The following ALDH3B1 variants were observed in gnomAD, a reference collection of about 807,000 sequenced individuals.
The protein encoded by ALDH3B1 is aldehyde dehydrogenase family 3 member B1.
In ALDH3B1, 37 loss-of-function variants were observed where a neutral mutation model predicts 46.2. That is an observed-to-expected ratio of 0.80 (90% CI 0.62 to 1.05). The LOEUF is 1.05. ALDH3B1 is among the 50% of genes least tolerant of loss of function. ALDH3B1 has a pLI of 0.00. For synonymous variants in ALDH3B1, 283 were observed against 281.0 expected, an observed-to-expected ratio of 1.01 and a Z score of -0.07; for missense variants, 603 against 665.5, an observed-to-expected ratio of 0.91 and a Z score of 1.03.
At chr11:68,020,569 G>A (rs1363705272) in intron 6 of ALDH3B1, among the ~76,000 whole-genome samples, 1 of 152,178 alleles carries the variant, frequency 6.6e-6, no homozygotes, top group Non-Finnish European at 1.5e-5. Flanking sequence ...CAGAGGGAGC[G>A]AGAGGAAGAC....
At position 68,027,794 on chromosome 11, in the gene ALDH3B1, C is replaced by T; in HGVS notation, c.1262C>T (p.Thr421Ile). 1 of 1,560,202 alleles carries T rather than the reference C, an allele frequency of 6.4e-7. No homozygotes were observed. The highest frequency in any genetic ancestry group is 8.7e-7 in the Non-Finnish European group (1 of 1,150,974). The change falls in exon 10 of 10, where the codon ACC becomes ATC. Residue 421 changes from threonine to isoleucine, a missense_variant. Thr to Ile is a moderately conservative substitution (Grantham distance 89). Coordinates refer to ENST00000342456, the MANE Select transcript of ALDH3B1 (RefSeq NM_000694.4). ...GRYHGKFSFDTFSHHRACLLR... is the reference protein window; with the variant it reads ...GRYHGKFSFDIFSHHRACLLR... ...TACCATGGCAAGTTCTCCTTCGACACCTTCTCCCACCATCGCGCCTGCCTC... is the reference window on the plus strand; with the variant it reads ...TACCATGGCAAGTTCTCCTTCGACATCTTCTCCCACCATCGCGCCTGCCTC...
chr11:68,012,483 G>T (rs1218989353), intron 1 of ALDH3B1, among the ~76,000 whole-genome samples: 1 of 152,228 alleles, frequency 6.6e-6, no homozygotes, highest in Non-Finnish European at 1.5e-5. Flanking sequence ...TGGGCCAAAT[G>T]CACCTCAACC....
At chr11:68,027,692 G>A in intron 9 of ALDH3B1, 57 bp from the exon 10 acceptor site, 1 of 1,521,658 alleles carries the variant, frequency 6.6e-7, no homozygotes, top group Middle Eastern at 1.7e-4. Context: ...AGGCCCCACT[G>A]TCTGTGACTA....
intron 8 of ALDH3B1, chr11:68,024,099 TA>T (rs1372500332): frequency 4.6e-5 from 7 of 152,236 alleles, no homozygotes; most frequent in Non-Finnish European, 1.0e-4. Flanking sequence ...CACCTTGCAT[TA>T]ATAACCCTCT....
chr11:68,019,346 C>G (rs1275402310), intron 5 of ALDH3B1, 91 bp downstream of exon 5: 1 of 1,103,652 alleles, frequency 9.1e-7, no homozygotes, highest in Admixed American at 2.0e-5. Flanking sequence ...CAGTCAGACC[C>G]GAGTCCCCAC....
rs760984667 is a variant in ALDH3B1, at chr11:68,021,591, C to T, written c.669C>T (p.Cys223=). 5.0e-6 allele frequency: 8 copies of T among 1,614,092 alleles called. No homozygotes were observed. The highest frequency in any genetic ancestry group is 2.2e-5 in the East Asian group (1 of 44,880). The part of the protein sequence containing the change: ...GKNPCYVDDN[C]DPQTVANRVA... ...ACCCTTGCTACGTGGACGACAACTG[C>T]GACCCCCAGACCGTGGCCAACCGCG... Residue 223 remains cysteine (C), a synonymous_variant, in exon 7 of 10, where the codon TGC becomes TGT. Transcript: ENST00000342456.
chr11:68,009,235 A>G (rs1857184597), upstream of ALDH3B1, among the ~76,000 whole-genome samples: 1 of 152,182 alleles, frequency 6.6e-6, no homozygotes, highest in Non-Finnish European at 1.5e-5. Context: ...GGCTCTATGA[A>G]TGGGGCGGCC....
rs10557779 is a variant in ALDH3B1 at position 68,028,676 on chromosome 11, TAAAAA to T, written c.*753_*757del. The stretch of plus-strand genomic sequence containing the variant: ...TGGGTGACAGAAGGAGGCTCTGCCT[TAAAAA>T]AAAAAAAAAAAAAAACCTCCTGGGA... On this transcript the variant is annotated 3_prime_UTR_variant, in exon 10 of 10. Transcript: ENST00000342456. 2.3e-5 allele frequency: 3 copies of T among 128,988 alleles called. No homozygotes were observed. The highest frequency in any genetic ancestry group is 2.6e-4 in the South Asian group (1 of 3,900). The allele number at this position is 128,988 out of a possible 1,614,324, so 8.0% of individuals were successfully genotyped here. A position where few individuals can be genotyped will look rare whatever the true frequency, so the allele number is the denominator to read the frequency against.
At chr11:68,019,021 C>T (rs117885863) in intron 4 of ALDH3B1, 128 bp downstream of exon 4, 49,008 of 1,460,830 alleles carry the variant, frequency 0.034, 1,028 homozygotes, top group Admixed American at 0.041. Flanking sequence ...CCACCGTCCC[C>T]GGGCTGTGTG....
At chr11:68,016,492 G>A (rs12806003) in intron 2 of ALDH3B1, 7,508 of 152,576 alleles carry the variant, frequency 0.049, 249 homozygotes, top group Non-Finnish European at 0.077. Flanking sequence ...TCTAGACCCT[G>A]AAGGCTTGGG....
Position 68,021,868 on chromosome 11 carries a change from A to G in ALDH3B1, c.946A>G (p.Ile316Val). 1.3e-6 allele frequency: 2 copies of G among 1,599,658 alleles called. No individual in the cohort carries two copies. Among genetic ancestry groups the G allele is most frequent in the Admixed American group, 1.7e-5 (1 of 59,194 alleles). ...CCAGAGCGATGAGAGCGATCGCTAC[A>G]TCGGTGAGTCCTGCTGCCCCTACCA... ...GGQSDESDRY[I>V]APTVLVDVQE... Residue 316 changes from isoleucine to valine, a missense_variant, in exon 7 of 10, where the codon ATC becomes GTC. Coordinates refer to ENST00000342456, the MANE Select transcript of ALDH3B1 (RefSeq NM_000694.4).
rs1590783549 is a variant in ALDH3B1, at chr11:68,026,039, A to T, written c.1147A>T (p.Ser383Cys). The change falls in exon 9 of 10, where the codon AGC becomes TGC. Residue 383 changes from serine (S) to cysteine (C), a missense_variant. Transcript: ENST00000342456. The part of the protein sequence containing the change: ...VVKRVLTQTS[S>C]GGFCGNDGFM... Reference sequence around the variant, plus strand: ...CAAGCGGGTGCTGACCCAGACCAGCAGCGGGGGCTTCTGTGGGAACGACGG... The same window carrying T: ...CAAGCGGGTGCTGACCCAGACCAGCTGCGGGGGCTTCTGTGGGAACGACGG... 2.5e-6 allele frequency: 4 copies of T among 1,609,158 alleles called. No individual in the cohort carries two copies. The East Asian group carries it at 9.0e-5, about 36-fold the overall frequency.
chr11:68,026,754 G>A (rs947005478), intron 9 of ALDH3B1, among the ~76,000 whole-genome samples: 1 of 152,142 alleles, frequency 6.6e-6, no homozygotes, highest in Non-Finnish European at 1.5e-5. Flanking sequence ...AGGCAGTCCC[G>A]CCACCTGTCC....
chr11:68,021,642 C>T lies in ALDH3B1; in HGVS notation c.720C>T (p.Ala240=), dbSNP rs371833737. ...NRVAWFRYFN[A]GQTCVAPDYV... is the part of the protein sequence containing the mutation. Reference sequence around the variant, plus strand: ...TGGCCTGGTTCCGCTACTTCAACGCCGGCCAGACCTGCGTGGCCCCCGACT... The same window carrying T: ...TGGCCTGGTTCCGCTACTTCAACGCTGGCCAGACCTGCGTGGCCCCCGACT... Residue 240 remains alanine (A), a synonymous_variant, in exon 7 of 10, where the codon GCC becomes GCT. Coordinates refer to ENST00000342456, the MANE Select transcript of ALDH3B1 (RefSeq NM_000694.4). The T allele has an allele frequency of 5.5e-5, 89 of 1,614,060 alleles. No individual in the cohort carries two copies. The East Asian group carries it at 8.9e-4, about 16-fold the overall frequency.
chr11:68,009,511 G>A (rs1857189426), upstream of ALDH3B1, among the ~76,000 whole-genome samples: 1 of 152,226 alleles, frequency 6.6e-6, no homozygotes, highest in Non-Finnish European at 1.5e-5. Flanking sequence ...CCCTGAAAAA[G>A]ACATTCTTGG....
At chr11:68,022,275 C>T (rs562876115) in intron 7 of ALDH3B1, among the ~76,000 whole-genome samples, 5 of 152,206 alleles carry the variant, frequency 3.3e-5, no homozygotes, top group African/African-American at 7.2e-5. Flanking sequence ...TGGGACACTG[C>T]GGCGCCAACA....
intron 1 of ALDH3B1, chr11:68,015,090 G>A: frequency 1.9e-6 from 1 of 521,514 alleles, no homozygotes; most frequent in Non-Finnish European, 3.3e-6. Flanking sequence ...GTCTGGGAGT[G>A]CTCACTGTTG....
intron 2 of ALDH3B1, 73 bp downstream of exon 2, chr11:68,015,532 G>T: frequency 6.5e-7 from 1 of 1,543,198 alleles, no homozygotes; most frequent in Non-Finnish European, 8.8e-7. Flanking sequence ...GACAGCAGGG[G>T]ATGAAGACAC....
Position 68,022,767 on chromosome 11 carries a change from G to C in ALDH3B1, c.1116+6G>C. On this transcript the variant is annotated splice_donor_region_variant and intron_variant, in intron 8 of 9. Transcript: ENST00000342456. ...CCTTCTCCAACAGCAGCCAGGTGGGGGTGCGGCCGGGCTGGGCAGGGTCAG... is the reference window on the plus strand; with the variant it reads ...CCTTCTCCAACAGCAGCCAGGTGGGCGTGCGGCCGGGCTGGGCAGGGTCAG... 1.2e-6 allele frequency: 2 copies of C among 1,613,774 alleles called. No individual in the cohort carries two copies. Among genetic ancestry groups the C allele is most frequent in the Non-Finnish European group, 1.7e-6 (2 of 1,179,918 alleles).
Sources: gnomAD v4.1 joint callset for allele counts (sites outside exome capture counted in the v4.1 genomes callset) on GRCh38, gnomAD v4.1.1 for gene constraint, MANE v1.5 for transcripts, NCBI Gene and HGNC (gene_info 2026-07-23, HGNC 2026-07-21) for gene names.